Variants in MAP3K4 observed in about 807,000 individuals in gnomAD.
MAP3K4 encodes MAP three kinase 1.
MAP3K4 carries 67 observed loss-of-function variants against 185.6 expected under a neutral mutation model. That is an observed-to-expected ratio of 0.36 (90% CI 0.30 to 0.44). MAP3K4 has a LOEUF of 0.44. MAP3K4 is among the 20% of genes least tolerant of loss of function. The pLI, the probability that MAP3K4 is intolerant of heterozygous loss-of-function variation, is 1.00. For missense variants in MAP3K4, 1,551 were observed against 1,995.1 expected (o/e 0.78, Z 4.24); for synonymous variants, 702 against 710.4 (o/e 0.99, Z 0.19).
chr6:161,040,524 G>A (rs1014238273), intron 2 of MAP3K4, among the ~76,000 whole-genome samples: 1 of 152,148 alleles, frequency 6.6e-6, no homozygotes, highest in African/African-American at 2.4e-5. Flanking sequence ...TTTTTGTAAG[G>A]AGTCCATGGT....
chr6:161,020,118 T>C (rs765792315), intron 1 of MAP3K4, among the ~76,000 whole-genome samples: 5 of 152,242 alleles, frequency 3.3e-5, no homozygotes, highest in South Asian at 2.1e-4. Context: ...CTGACACTTA[T>C]ATCCTTTAGG....
At chr6:161,031,065 A>G (rs1346222455) in intron 1 of MAP3K4, among the ~76,000 whole-genome samples, 1 of 152,238 alleles carries the variant, frequency 6.6e-6, no homozygotes, top group Non-Finnish European at 1.5e-5. Flanking sequence ...TGTTTATGAC[A>G]GTATTCATCT....
intron 1 of MAP3K4, among the ~76,000 whole-genome samples, chr6:161,000,898 T>C (rs1197975113): frequency 6.7e-6 from 1 of 149,240 alleles, no homozygotes; most frequent in African/African-American, 2.4e-5. Flanking sequence ...ACTATACATA[T>C]ATGTACACAC....
Position 161,084,767 on chromosome 6 carries a change from C to T in MAP3K4, c.2372+150C>T. ...TGTAAAGGGATTTATTTATAACTGCCTTGTCTTTTCATGTGATTTCTTAGT... is the reference window on the plus strand; with the variant it reads ...TGTAAAGGGATTTATTTATAACTGCTTTGTCTTTTCATGTGATTTCTTAGT... On this transcript the variant is annotated intron_variant, in intron 7 of 26. Coordinates refer to ENST00000392142, the MANE Select transcript of MAP3K4 (RefSeq NM_005922.4). This position sits in a 1 kb window ranked among gnomAD's most constrained non-coding sequence, Gnocchi z 4.6. 6.0e-6 allele frequency: 3 copies of T among 502,320 alleles called. No individual in the cohort carries two copies. Among genetic ancestry groups the T allele is most frequent in the Non-Finnish European group, 7.2e-6 (2 of 276,758 alleles). The allele number at this position is 502,320 out of a possible 1,614,324, so 31.1% of individuals were successfully genotyped here. A position where few individuals can be genotyped will look rare whatever the true frequency, so the allele number is the denominator to read the frequency against.
chr6:161,087,585 T>C lies in MAP3K4; in HGVS notation c.2557-103T>C. The C allele has an allele frequency of 8.1e-7, 1 of 1,229,348 alleles. No homozygotes were observed. The highest frequency in any genetic ancestry group is 1.8e-5 in the Admixed American group (1 of 54,764). The allele number at this position is 1,229,348 out of a possible 1,614,324, so 76.2% of individuals were successfully genotyped here. On this transcript the variant is annotated intron_variant, in intron 9 of 26. Transcript: ENST00000392142. This position sits in a 1 kb window ranked among gnomAD's most constrained non-coding sequence, Gnocchi z 4.9. Reference sequence around the variant, plus strand: ...CTGCTCCAATTCATGCCCTTCCCACTTTCCCTTTCCCAAACCTGCCTCTCC... The same window carrying C: ...CTGCTCCAATTCATGCCCTTCCCACCTTCCCTTTCCCAAACCTGCCTCTCC...
Position 161,049,441 on chromosome 6 carries a change from T to C in MAP3K4, c.1169T>C (p.Val390Ala). ...KYAAKDFQDR[V>A]QALCLWLNIT... ...GCTGCAAAAGACTTCCAGGACAGGG[T>C]GCAGGCACTCTGTTTGTGGTTAAAC... The change falls in exon 3 of 27, where the codon GTG (valine) becomes GCG (alanine). Residue 390 changes from valine to alanine, a missense_variant. By Grantham distance (64) the Val-to-Ala change is moderately conservative. Coordinates refer to ENST00000392142, the MANE Select transcript of MAP3K4 (RefSeq NM_005922.4). This position sits in a 1 kb window ranked among gnomAD's most constrained non-coding sequence, Gnocchi z 8.4. 6.2e-7 allele frequency: 1 copy of C among 1,614,014 alleles called. No homozygotes were observed. The highest frequency in any genetic ancestry group is 8.5e-7 in the Non-Finnish European group (1 of 1,179,984).
In MAP3K4 at chr6:161,093,947, G is replaced by T; in HGVS notation, c.3427+96G>T. The T allele has an allele frequency of 1.1e-6, 1 of 899,932 alleles. No homozygotes were observed. Among genetic ancestry groups the T allele is most frequent in the Non-Finnish European group, 1.8e-6 (1 of 566,348 alleles). The allele number at this position is 899,932 out of a possible 1,614,324, so 55.7% of individuals were successfully genotyped here. On this transcript the variant is annotated intron_variant, in intron 15 of 26. Transcript: ENST00000392142. This position sits in a 1 kb window ranked among gnomAD's most constrained non-coding sequence, Gnocchi z 5.2. ...AGTCGTTTAAAATGGTATAAGAGGT[G>T]TTTTAACAGTATTCAGGAAAACGAC...
rs560810164 is a variant in MAP3K4, at chr6:161,067,827, G to A, written c.1708-2781G>A. On this transcript the variant is annotated intron_variant, in intron 3 of 26. Coordinates refer to ENST00000392142, the MANE Select transcript of MAP3K4 (RefSeq NM_005922.4). The surrounding 1 kb of genome is among the most constrained non-coding windows in gnomAD (Gnocchi z 6.3). ...CGTTTCTGTCATTAAGTGTATCTCA[G>A]TTATGCCAAGTATATGTTATTCTTT... 6.6e-6 allele frequency among the ~76,000 whole-genome samples: 1 copy of A among 152,318 alleles called. No homozygotes were observed. The highest frequency in any genetic ancestry group is 1.9e-4 in the East Asian group (1 of 5,186).
chr6:161,105,895 G>T (rs564460401), intron 19 of MAP3K4, among the ~76,000 whole-genome samples: 11 of 150,784 alleles, frequency 7.3e-5, no homozygotes, highest in Admixed American at 2.6e-4. Context: ...GAGTGCAGTG[G>T]TGCAATCTTG....
rs144533292 is a variant in MAP3K4, at chr6:161,037,971, AT to A, written c.343+3530del. 6.6e-6 allele frequency among the ~76,000 whole-genome samples: 1 copy of A among 151,676 alleles called. No individual in the cohort carries two copies. The highest frequency in any genetic ancestry group is 2.4e-5 in the African/African-American group (1 of 41,222). ...TCTCACTACATAATGCTGCTAGTAC[AT>A]TTTTTTTGTTACTGTTGCTGTTGCC... On this transcript the variant is annotated intron_variant, in intron 2 of 26. Coordinates refer to ENST00000392142, the MANE Select transcript of MAP3K4 (RefSeq NM_005922.4). The surrounding 1 kb of genome is among the most constrained non-coding windows in gnomAD (Gnocchi z 4.2).
Position 161,048,956 on chromosome 6 carries a change from T to C in MAP3K4, c.684T>C (p.Thr228=), listed in dbSNP as rs747531649. 6 of 1,613,868 alleles carry C rather than the reference T, an allele frequency of 3.7e-6. No individual in the cohort carries two copies. The East Asian group carries it at 1.3e-4, about 36-fold the overall frequency. ...CPADRLKFFE[T]LRLLLKLTSV... is the part of the protein sequence containing the mutation. ...CAGATCGTTTAAAGTTTTTTGAAAC[T>C]TTACGACTTTTGCTAAAGCTTACCT... is the stretch of plus-strand genomic sequence containing the variant. The change falls in exon 3 of 27, where the codon ACT becomes ACC. Residue 228 remains threonine, a synonymous_variant. Transcript: ENST00000392142. The surrounding 1 kb of genome is among the most constrained non-coding windows in gnomAD (Gnocchi z 4.7).
chr6:161,027,450 C>G (rs1192357541), intron 1 of MAP3K4, among the ~76,000 whole-genome samples: 1 of 152,090 alleles, frequency 6.6e-6, no homozygotes, highest in African/African-American at 2.4e-5. Context: ...AAATTGCCTT[C>G]AAATTAGGTG....
chr6:160,992,635 C>T (rs915658924), intron 1 of MAP3K4, among the ~76,000 whole-genome samples: 2 of 152,168 alleles, frequency 1.3e-5, no homozygotes, highest in Non-Finnish European at 2.9e-5. Context: ...CTTTCCTGTT[C>T]TGAGGGCCCC....
intron 3 of MAP3K4, among the ~76,000 whole-genome samples, chr6:161,057,706 A>T (rs571567193): frequency 6.6e-6 from 1 of 152,304 alleles, no homozygotes; most frequent in East Asian, 1.9e-4. Context: ...TGCCTTTAAG[A>T]TCATGCTGCT....
chr6:161,080,048 G>A lies in MAP3K4; in HGVS notation c.2098-833G>A, dbSNP rs1179459266. On this transcript the variant is annotated intron_variant, in intron 5 of 26. Transcript: ENST00000392142. The surrounding 1 kb of genome is among the most constrained non-coding windows in gnomAD (Gnocchi z 4.8). The stretch of plus-strand genomic sequence containing the variant: ...TCAGGATGTGGGAGAGCAGTGGTGG[G>A]TGGGCGCTCAGGTTGGCGACAGACT... 2.0e-5 allele frequency among the ~76,000 whole-genome samples: 3 copies of A among 152,216 alleles called. No individual in the cohort carries two copies. Among genetic ancestry groups the A allele is most frequent in the African/African-American group, 4.8e-5 (2 of 41,454 alleles).
intron 18 of MAP3K4, among the ~76,000 whole-genome samples, chr6:161,102,257 A>T (rs1448290822): frequency 3.9e-5 from 6 of 152,184 alleles, no homozygotes; most frequent in African/African-American, 1.4e-4. Flanking sequence ...ATTATTCTAG[A>T]TATTTTAACT....
At position 161,112,725 on chromosome 6, in the gene MAP3K4, C is replaced by T; in HGVS notation, c.4577C>T (p.Ala1526Val). ...RAKGEGHGRA[A>V]DIWSLGCVVI... ...AAAGGAGAGGGCCATGGGCGTGCGGCCGACATCTGGAGTCTGGGGTGTGTT... is the reference window on the plus strand; with the variant it reads ...AAAGGAGAGGGCCATGGGCGTGCGGTCGACATCTGGAGTCTGGGGTGTGTT... The change falls in exon 25 of 27, where the codon GCC (alanine) becomes GTC (valine). Residue 1526 changes from alanine to valine, a missense_variant. By Grantham distance (64) the Ala-to-Val change is moderately conservative. Around this residue, in one of 16 missense-constraint regions of MAP3K4, gnomAD observed 159 missense variants for 300.5 expected, o/e 0.53. Coordinates refer to ENST00000392142, the MANE Select transcript of MAP3K4 (RefSeq NM_005922.4). This position sits in a 1 kb window ranked among gnomAD's most constrained non-coding sequence, Gnocchi z 5.1. 6.2e-7 allele frequency: 1 copy of T among 1,609,088 alleles called. No individual in the cohort carries two copies. The highest frequency in any genetic ancestry group is 8.5e-7 in the Non-Finnish European group (1 of 1,178,220).
chr6:161,104,415 C>CAAAAA (rs869113836), intron 19 of MAP3K4, among the ~76,000 whole-genome samples: 8 of 58,324 alleles, frequency 1.4e-4, no homozygotes, highest in African/African-American at 4.5e-4. Context: ...ACTCCGTTTC[C>CAAAAA]AAAAAAAAAA....
intron 2 of MAP3K4, among the ~76,000 whole-genome samples, chr6:161,046,975 A>G (rs1783755621): frequency 6.8e-6 from 1 of 147,562 alleles, no homozygotes; most frequent in Non-Finnish European, 1.5e-5. Flanking sequence ...CTTAGTATAT[A>G]AGAAATATAT....
Sources: allele counts gnomAD v4.1 joint callset (sites outside exome capture counted in the v4.1 genomes callset), GRCh38; gene constraint gnomAD v4.1.1; regional missense constraint gnomAD v4.1.1; non-coding constraint Gnocchi (gnomAD v3.1); transcripts MANE v1.5; gene names NCBI Gene and HGNC (gene_info 2026-07-23, HGNC 2026-07-21).